The following PTN variants were observed in gnomAD, a reference collection of about 807,000 sequenced individuals.
PTN encodes pleiotrophin, also known as heparin affin regulatory protein.
Under a neutral mutation model 24.1 loss-of-function variants are expected in PTN, and 18 were observed. The observed-to-expected ratio is 0.75, with a 90% confidence interval of 0.52 to 1.11. PTN has a LOEUF of 1.11. PTN is among the 50% of genes least tolerant of loss of function. The probability of loss-of-function intolerance (pLI) is 0.00; values close to 1 mark genes in which losing one functional copy is unlikely to be tolerated. For missense variants in PTN, 163 were observed against 198.8 expected, an observed-to-expected ratio of 0.82 and a Z score of 1.08; for synonymous variants, 78 against 68.6, an observed-to-expected ratio of 1.14 and a Z score of -0.67.
chr7:137,233,280 C>T (rs1037680935), intron 4 of PTN, among the ~76,000 whole-genome samples: 1 of 151,880 alleles, frequency 6.6e-6, no homozygotes, highest in Non-Finnish European at 1.5e-5. Flanking sequence ...AGATGTTTGC[C>T]ACTTACCAGC....
chr7:137,272,315 T>C (rs1809288754), intron 1 of PTN, among the ~76,000 whole-genome samples: 1 of 152,240 alleles, frequency 6.6e-6, no homozygotes, highest in Non-Finnish European at 1.5e-5. Flanking sequence ...CTTATAATTA[T>C]TTAAACCCAG....
At chr7:137,324,433 A>AAAAAAAAAAAAAAAAAAAAATAT in intron 1 of PTN, among the ~76,000 whole-genome samples, 3 of 88,802 alleles carry the variant, frequency 3.4e-5, no homozygotes, top group African/African-American at 2.1e-4. Context: ...AAAAAAAAAA[A>AAAAAAAAAAAAAAAAAAAAATAT]ATATATATAT....
chr7:137,297,888 T>C (rs1563216201), intron 1 of PTN, among the ~76,000 whole-genome samples: 1 of 103,136 alleles, frequency 9.7e-6, no homozygotes, highest in Non-Finnish European at 2.3e-5. Flanking sequence ...TCCAAGGGGC[T>C]AGAAGCTTTC....
chr7:137,295,872 C>A (rs1056598324), intron 1 of PTN, among the ~76,000 whole-genome samples: 2 of 151,880 alleles, frequency 1.3e-5, no homozygotes, highest in Admixed American at 6.6e-5. Flanking sequence ...AAACTTGAAC[C>A]TAGCTAGGGA....
At position 137,228,014 on chromosome 7, in the gene PTN, C is replaced by T. The variant is rs191694252; in HGVS notation, c.*6G>A. ...TGTCCTTTTTATGTTCCACAGGTGA[C>T]ATCTTTTAATCCAGCATCTTCTCCT... On this transcript the variant is annotated 3_prime_UTR_variant, in exon 5 of 5. Transcript: ENST00000348225. 202 of 1,608,684 alleles carry T rather than the reference C, an allele frequency of 1.3e-4. No homozygotes were observed. The highest frequency in any genetic ancestry group is 1.2e-3 in the Middle Eastern group (7 of 6,024).
chr7:137,285,534 C>T (rs541751301), intron 1 of PTN, among the ~76,000 whole-genome samples: 2 of 152,032 alleles, frequency 1.3e-5, no homozygotes, highest in African/African-American at 2.4e-5. Context: ...GACATGGTGG[C>T]GTGTGCCTGT....
At chr7:137,288,802 A>T (rs988438672) in intron 1 of PTN, among the ~76,000 whole-genome samples, 1 of 152,144 alleles carries the variant, frequency 6.6e-6, no homozygotes, top group Admixed American at 6.5e-5. Flanking sequence ...TAATGATATT[A>T]TTAGGGGAAA....
At chr7:137,315,350 C>T (rs557351716) in intron 1 of PTN, among the ~76,000 whole-genome samples, 6 of 146,398 alleles carry the variant, frequency 4.1e-5, no homozygotes, top group Non-Finnish European at 6.0e-5. Flanking sequence ...AACACTTACA[C>T]GAAAAAAAAA....
At chr7:137,257,550 T>C (rs1197081188) in intron 1 of PTN, among the ~76,000 whole-genome samples, 5 of 152,212 alleles carry the variant, frequency 3.3e-5, no homozygotes, top group Admixed American at 1.3e-4. Flanking sequence ...TTATTAGGTG[T>C]AAAGTAAACC....
At chr7:137,306,461 C>T (rs969720130) in intron 1 of PTN, among the ~76,000 whole-genome samples, 3 of 152,032 alleles carry the variant, frequency 2.0e-5, no homozygotes, top group East Asian at 1.9e-4. Flanking sequence ...TCCATACTCA[C>T]GAAAGGCTAA....
In PTN at chr7:137,245,851, AGATAT is replaced by A. The variant is rs1808713460; in HGVS notation, c.451+5374_451+5378del. On this transcript the variant is annotated intron_variant, in intron 4 of 4. Transcript: ENST00000348225. The stretch of plus-strand genomic sequence containing the variant: ...AAAATTAAAAATGCTTATGGAATAA[AGATAT>A]AAGGAAAGAATACGTTTGTTATAGC... Among the ~76,000 whole-genome samples the A allele has an allele frequency of 5.3e-5, 8 of 152,376 alleles. No homozygotes were observed. In the South Asian group the frequency reaches 1.7e-3, roughly 32 times the overall value.
intron 4 of PTN, among the ~76,000 whole-genome samples, chr7:137,229,677 C>T (rs1448436089): frequency 6.6e-6 from 1 of 151,782 alleles, no homozygotes; most frequent in Non-Finnish European, 1.5e-5. Context: ...TCATTCCATT[C>T]ATGACTTCCC....
At chr7:137,277,410 C>T (rs1809378792) in intron 1 of PTN, among the ~76,000 whole-genome samples, 2 of 152,118 alleles carry the variant, frequency 1.3e-5, no homozygotes, top group South Asian at 4.2e-4. Context: ...AGCCACTTTT[C>T]CCAAGAAAAA....
rs1006691217 is a variant in PTN at position 137,285,054 on chromosome 7, A to AAG, written c.-1-30081_-1-30080insCT. On this transcript the variant is annotated intron_variant, in intron 1 of 4. Transcript: ENST00000348225. ...GAAGGTATTACCTGACTACAAGTTT[A>AAG]ATATATATATATAAATGGTAAGTAT... is the stretch of plus-strand genomic sequence containing the variant. 6.6e-5 allele frequency among the ~76,000 whole-genome samples: 10 copies of AAG among 151,834 alleles called. No individual in the cohort carries two copies. The East Asian group carries it at 1.9e-3, about 29-fold the overall frequency.
intron 3 of PTN, among the ~76,000 whole-genome samples, chr7:137,253,231 C>T (rs183029003): frequency 9.4e-4 from 143 of 152,192 alleles, no homozygotes; most frequent in African/African-American, 3.3e-3. Flanking sequence ...GTGAGGAATG[C>T]TACCGGAAAC....
At chr7:137,317,660 T>C (rs1810094673) in intron 1 of PTN, among the ~76,000 whole-genome samples, 1 of 152,228 alleles carries the variant, frequency 6.6e-6, no homozygotes, top group African/African-American at 2.4e-5. Flanking sequence ...CTGAATTGTA[T>C]AGGGCCTTCT....
chr7:137,227,784 T>G lies in PTN; in HGVS notation c.*236A>C. On this transcript the variant is annotated 3_prime_UTR_variant, in exon 5 of 5. Coordinates refer to ENST00000348225, the MANE Select transcript of PTN (RefSeq NM_002825.7). Reference sequence around the variant, plus strand: ...TACCTCAATTGTCTATCATTTATCATGTACTATAAGTCAACTTCCTAAATA... The same window carrying G: ...TACCTCAATTGTCTATCATTTATCAGGTACTATAAGTCAACTTCCTAAATA... 2.8e-6 allele frequency: 1 copy of G among 354,350 alleles called. No individual in the cohort carries two copies. Among genetic ancestry groups the G allele is most frequent in the Non-Finnish European group, 5.0e-6 (1 of 198,694 alleles). The allele number at this position is 354,350 out of a possible 1,614,324, so 22.0% of individuals were successfully genotyped here. A position where few individuals can be genotyped will look rare whatever the true frequency, so the allele number is the denominator to read the frequency against.
chr7:137,237,390 A>G (rs1768813424), intron 4 of PTN, among the ~76,000 whole-genome samples: 1 of 152,174 alleles, frequency 6.6e-6, no homozygotes, highest in African/African-American at 2.4e-5. Context: ...TACTGAGTCT[A>G]TGGTACTTTG....
intron 1 of PTN, among the ~76,000 whole-genome samples, chr7:137,317,920 A>G (rs1810100218): frequency 6.6e-6 from 1 of 152,170 alleles, no homozygotes; most frequent in African/African-American, 2.4e-5. Flanking sequence ...CCAGGTAGGC[A>G]ACAGGGCTGA....
Sources: allele counts gnomAD v4.1 joint callset (sites outside exome capture counted in the v4.1 genomes callset), GRCh38; gene constraint gnomAD v4.1.1; transcripts MANE v1.5; gene names NCBI Gene and HGNC (gene_info 2026-07-23, HGNC 2026-07-21).